VAT1L: variants seen among roughly 807,000 people sequenced by gnomAD.
VAT1L encodes vesicle amine transport 1 like.
VAT1L carries 34 observed loss-of-function variants against 44.1 expected under a neutral mutation model. The observed-to-expected ratio is 0.77, with a 90% CI of 0.59 to 1.03. The LOEUF is 1.03. Ranked by LOEUF, VAT1L falls within the 50% of genes least tolerant of loss-of-function variation. The probability of loss-of-function intolerance (pLI) is 0.00; values close to 1 mark genes in which losing one functional copy is unlikely to be tolerated. For synonymous variants in VAT1L, 253 were observed against 202.2 expected, an observed-to-expected ratio of 1.25 and a Z score of -2.13; for missense variants, 615 against 538.8, an observed-to-expected ratio of 1.14 and a Z score of -1.40.
chr16:77,839,741 C>G (rs77157883), intron 3 of VAT1L, among the ~76,000 whole-genome samples: 1 of 151,882 alleles, frequency 6.6e-6, no homozygotes, highest in East Asian at 1.9e-4. Flanking sequence ...AATGCATGCT[C>G]AAGGTTGAGA....
At position 77,948,279 on chromosome 16, in the gene VAT1L, G is replaced by A. The variant is rs1484007977; in HGVS notation, c.1078-23571G>A. 6.3e-4 allele frequency among the ~76,000 whole-genome samples: 96 copies of A among 152,156 alleles called. 1 individual carries two copies. The highest frequency in any genetic ancestry group is 6.1e-3 in the Admixed American group (93 of 15,268). On this transcript the variant is annotated intron_variant, in intron 7 of 8. Transcript: ENST00000302536. ...CATGCTGCCTGGCACATAGTAGGTGGAGGTTATTACCCCACAAACACAGGC... is the reference window on the plus strand; with the variant it reads ...CATGCTGCCTGGCACATAGTAGGTGAAGGTTATTACCCCACAAACACAGGC...
rs779065508 is a variant in VAT1L, at chr16:77,935,655, T to C, written c.1078-36195T>C. ...AAGAGAGAGAGAGAGAAGGGGAAAA[T>C]GTGGGAAAGAGGTTCAGACTGGTTG... On this transcript the variant is annotated intron_variant, in intron 7 of 8. Transcript: ENST00000302536. 3.3e-5 allele frequency among the ~76,000 whole-genome samples: 5 copies of C among 150,872 alleles called. No individual in the cohort carries two copies. The South Asian group carries it at 6.3e-4, about 19-fold the overall frequency.
chr16:77,905,824 T>C (rs1194115139), intron 7 of VAT1L, among the ~76,000 whole-genome samples: 1 of 152,218 alleles, frequency 6.6e-6, no homozygotes, highest in Admixed American at 6.5e-5. Context: ...TTCTAAAAAA[T>C]AGTCACTAAA....
At chr16:77,817,749 C>G (rs909558429) in intron 2 of VAT1L, among the ~76,000 whole-genome samples, 1 of 152,118 alleles carries the variant, frequency 6.6e-6, no homozygotes, top group Non-Finnish European at 1.5e-5. Flanking sequence ...ACTATTATAA[C>G]GCAAATCAAA....
At chr16:77,975,978 T>C (rs2018335825) in intron 8 of VAT1L, among the ~76,000 whole-genome samples, 1 of 152,184 alleles carries the variant, frequency 6.6e-6, no homozygotes, top group South Asian at 2.1e-4. Flanking sequence ...CAATAATTAC[T>C]ACTATTGCTG....
intron 7 of VAT1L, among the ~76,000 whole-genome samples, chr16:77,921,091 G>C (rs900052831): frequency 6.6e-6 from 1 of 152,120 alleles, no homozygotes; most frequent in African/African-American, 2.4e-5. Context: ...TGCCTCGAAG[G>C]GCTACCTGGA....
At chr16:77,945,306 A>T (rs1416590348) in intron 7 of VAT1L, among the ~76,000 whole-genome samples, 2 of 49,010 alleles carry the variant, frequency 4.1e-5, no homozygotes, top group East Asian at 1.4e-3. Flanking sequence ...AGAGAGAGAA[A>T]GAGTGTGTCT....
intron 8 of VAT1L, among the ~76,000 whole-genome samples, chr16:77,973,964 A>G (rs1567527490): frequency 6.6e-6 from 1 of 151,164 alleles, no homozygotes; most frequent in African/African-American, 2.4e-5. Flanking sequence ...TGATCCGCCC[A>G]CCTCGGCCTC....
chr16:77,797,805 A>G (rs1270913704), intron 1 of VAT1L, among the ~76,000 whole-genome samples: 4 of 152,164 alleles, frequency 2.6e-5, no homozygotes, highest in Non-Finnish European at 5.9e-5. Context: ...CAGAAGAAAA[A>G]GTGTAATTAG....
chr16:77,791,275 C>A (rs1445407643), intron 1 of VAT1L, among the ~76,000 whole-genome samples: 5 of 152,150 alleles, frequency 3.3e-5, no homozygotes, highest in Non-Finnish European at 5.9e-5. Context: ...TTTATCTGCT[C>A]TCTATTTTTA....
intron 7 of VAT1L, among the ~76,000 whole-genome samples, chr16:77,909,306 C>A (rs768807356): frequency 2.0e-5 from 3 of 149,002 alleles, no homozygotes; most frequent in Non-Finnish European, 4.4e-5. Flanking sequence ...CTTACCTCCT[C>A]TGCACTTCTT....
intron 7 of VAT1L, among the ~76,000 whole-genome samples, chr16:77,921,531 A>G (rs762303760): frequency 6.6e-5 from 10 of 152,142 alleles, no homozygotes; most frequent in Non-Finnish European, 1.0e-4. Flanking sequence ...CTATTTTTGC[A>G]TCGGCTGTGG....
intron 1 of VAT1L, among the ~76,000 whole-genome samples, chr16:77,814,494 A>T (rs1053327029): frequency 2.6e-5 from 4 of 152,330 alleles, no homozygotes; most frequent in East Asian, 3.9e-4. Flanking sequence ...GGCCCAGTTC[A>T]TGCTGGATGG....
chr16:77,860,987 C>A (rs1419552961), intron 3 of VAT1L, among the ~76,000 whole-genome samples: 1 of 152,162 alleles, frequency 6.6e-6, no homozygotes, highest in Non-Finnish European at 1.5e-5. Flanking sequence ...AGATTTGCCT[C>A]TGAAAAAGTG....
In VAT1L at chr16:77,935,565, G is replaced by A. The variant is rs561200714; in HGVS notation, c.1078-36285G>A. 5.3e-5 allele frequency among the ~76,000 whole-genome samples: 8 copies of A among 151,906 alleles called. No individual in the cohort carries two copies. In the South Asian group the frequency reaches 1.3e-3, roughly 24 times the overall value. On this transcript the variant is annotated intron_variant, in intron 7 of 8. Coordinates refer to ENST00000302536, the MANE Select transcript of VAT1L (RefSeq NM_020927.3). Reference sequence around the variant, plus strand: ...GGCAGAGAGAGATGGGGGCGGTGGCGGGGAAGGGAGAAAAGGAGAAGAAAG... The same window carrying A: ...GGCAGAGAGAGATGGGGGCGGTGGCAGGGAAGGGAGAAAAGGAGAAGAAAG...
chr16:77,950,763 A>C (rs2018032878), intron 7 of VAT1L, among the ~76,000 whole-genome samples: 1 of 152,072 alleles, frequency 6.6e-6, no homozygotes. Flanking sequence ...GCTTTATTCC[A>C]TTTCTTTAAT....
At chr16:77,916,251 T>C (rs563785617) in intron 7 of VAT1L, among the ~76,000 whole-genome samples, 56 of 152,154 alleles carry the variant, frequency 3.7e-4, no homozygotes, top group Non-Finnish European at 7.3e-4. Context: ...CTGTGTGTTC[T>C]TGAGCAAAGA....
intron 3 of VAT1L, among the ~76,000 whole-genome samples, chr16:77,842,404 A>T (rs1381179786): frequency 6.6e-6 from 1 of 152,242 alleles, no homozygotes; most frequent in Non-Finnish European, 1.5e-5. Context: ...TCCCTGGAGG[A>T]GACCAACGAG....
intron 7 of VAT1L, among the ~76,000 whole-genome samples, chr16:77,956,751 A>G (rs1229066160): frequency 6.6e-6 from 1 of 152,200 alleles, no homozygotes; most frequent in Non-Finnish European, 1.5e-5. Flanking sequence ...TTTTGATAAG[A>G]ACACTTTGGT....
Sources: gnomAD v4.1 joint callset for allele counts (sites outside exome capture counted in the v4.1 genomes callset) on GRCh38, gnomAD v4.1.1 for gene constraint, MANE v1.5 for transcripts, NCBI Gene and HGNC (gene_info 2026-07-23, HGNC 2026-07-21) for gene names.